Variants in EPHA5 observed in about 807,000 individuals in gnomAD.
EPHA5 encodes ephrin type-A receptor 5.
EPHA5 carries 60 observed loss-of-function variants against 105.0 expected under a neutral mutation model. The observed-to-expected ratio is 0.57, with a 90% confidence interval of 0.46 to 0.71. The LOEUF (loss-of-function observed/expected upper bound fraction) is 0.71. EPHA5 is among the 30% of genes least tolerant of loss of function. EPHA5 has a pLI of 0.00. For synonymous variants in EPHA5, 513 were observed against 449.1 expected (o/e 1.14, Z -1.80); for missense variants, 1,218 against 1,274.7 (o/e 0.96, Z 0.68).
chr4:65,524,745 T>A (rs1735071499), intron 3 of EPHA5, among the ~76,000 whole-genome samples: 1 of 151,802 alleles, frequency 6.6e-6, no homozygotes, highest in Non-Finnish European at 1.5e-5. Context: ...ATCCTGGACA[T>A]TTCCCATATG....
chr4:65,395,722 T>C (rs1721162591), intron 8 of EPHA5, among the ~76,000 whole-genome samples: 1 of 152,218 alleles, frequency 6.6e-6, no homozygotes, highest in African/African-American at 2.4e-5. Flanking sequence ...AACATGATCA[T>C]GACAATCAAA....
intron 7 of EPHA5, among the ~76,000 whole-genome samples, chr4:65,406,991 A>T (rs1413057624): frequency 1.3e-5 from 2 of 152,026 alleles, no homozygotes; most frequent in Admixed American, 1.3e-4. Context: ...CTCCCCATAC[A>T]TCAATTATTT....
chr4:65,658,414 C>T (rs1749256308), intron 1 of EPHA5, among the ~76,000 whole-genome samples: 3 of 151,998 alleles, frequency 2.0e-5, no homozygotes, highest in Admixed American at 6.6e-5. Flanking sequence ...TAAATAAGGG[C>T]TGCTTGAGCT....
chr4:65,355,428 TTTATTTTAAC>T (rs1723206225), intron 11 of EPHA5, among the ~76,000 whole-genome samples: 1 of 151,672 alleles, frequency 6.6e-6, no homozygotes, highest in South Asian at 2.1e-4. Flanking sequence ...CAACTTAAAC[TTTATTTTAAC>T]TATATTGTCA....
At chr4:65,542,897 G>A (rs1181240649) in intron 3 of EPHA5, among the ~76,000 whole-genome samples, 1 of 152,026 alleles carries the variant, frequency 6.6e-6, no homozygotes, top group Non-Finnish European at 1.5e-5. Flanking sequence ...TTTCAGCCCT[G>A]GGATGCAAGG....
intron 3 of EPHA5, among the ~76,000 whole-genome samples, chr4:65,511,645 G>A (rs929633547): frequency 6.6e-6 from 1 of 152,160 alleles, no homozygotes; most frequent in Non-Finnish European, 1.5e-5. Context: ...ATCATAGAAA[G>A]AGGTAACAAT....
At chr4:65,533,897 C>T (rs1424609371) in intron 3 of EPHA5, among the ~76,000 whole-genome samples, 1 of 151,486 alleles carries the variant, frequency 6.6e-6, no homozygotes, top group Non-Finnish European at 1.5e-5. Context: ...TCCCTCATTG[C>T]ACTCCAGCCT....
intron 5 of EPHA5, among the ~76,000 whole-genome samples, chr4:65,463,370 T>C (rs937003386): frequency 2.0e-5 from 3 of 152,192 alleles, no homozygotes; most frequent in East Asian, 1.9e-4. Flanking sequence ...AAGTAAATCA[T>C]TTTGTTCAAA....
chr4:65,353,751 G>GCATTTTCCTACCC (rs1197290915), intron 11 of EPHA5, among the ~76,000 whole-genome samples: 14 of 151,738 alleles, frequency 9.2e-5, no homozygotes, highest in South Asian at 8.3e-4. Flanking sequence ...AATGTATATT[G>GCATTTTCCTACCC]CATTTTCCTA....
At chr4:65,592,699 C>T (rs183078257) in intron 3 of EPHA5, among the ~76,000 whole-genome samples, 1 of 152,264 alleles carries the variant, frequency 6.6e-6, no homozygotes, top group East Asian at 1.9e-4. Flanking sequence ...GCAAAACACA[C>T]ATGAATTTCA....
At chr4:65,638,787 T>C (rs145433802) in intron 2 of EPHA5, among the ~76,000 whole-genome samples, 43 of 152,206 alleles carry the variant, frequency 2.8e-4, no homozygotes, top group Non-Finnish European at 5.1e-4. Flanking sequence ...AATGGAGCAA[T>C]AGGGTTAAGT....
At chr4:65,407,776 G>C (rs1490684493) in intron 7 of EPHA5, among the ~76,000 whole-genome samples, 1 of 150,806 alleles carries the variant, frequency 6.6e-6, no homozygotes, top group Non-Finnish European at 1.5e-5. Flanking sequence ...TTTTTGTGGA[G>C]ACAGGGTCTC....
At chr4:65,512,743 T>C (rs1022187208) in intron 3 of EPHA5, among the ~76,000 whole-genome samples, 1 of 152,158 alleles carries the variant, frequency 6.6e-6, no homozygotes, top group African/African-American at 2.4e-5. Flanking sequence ...TCAGGTGTTA[T>C]AGAAGTGCCA....
chr4:65,407,154 G>C (rs111291030), intron 7 of EPHA5, among the ~76,000 whole-genome samples: 113 of 152,076 alleles, frequency 7.4e-4, no homozygotes, highest in African/African-American at 1.9e-3. Context: ...AAAAACTTTA[G>C]AGAGTCCTAC....
At chr4:65,576,888 G>A (rs771705795) in intron 3 of EPHA5, among the ~76,000 whole-genome samples, 2 of 152,120 alleles carry the variant, frequency 1.3e-5, no homozygotes, top group African/African-American at 2.4e-5. Context: ...CTTCATACCT[G>A]ATGCAAATGC....
At chr4:65,443,369 C>A (rs1461437349) in intron 5 of EPHA5, among the ~76,000 whole-genome samples, 1 of 151,128 alleles carries the variant, frequency 6.6e-6, no homozygotes. Flanking sequence ...AGTAAACATA[C>A]TAGATATTTC....
Position 65,576,046 on chromosome 4 carries a change from GAAAGAAAGAAAGAAAAGAAAAGA to G in EPHA5, c.910+25572_910+25594del, listed in dbSNP as rs1560720957. Among the ~76,000 whole-genome samples the G allele has an allele frequency of 1.9e-4, 11 of 56,988 alleles. No homozygotes were observed. The East Asian group carries it at 2.3e-3, about 12-fold the overall frequency. The allele number at this position is 56,988 out of a possible 152,430, so 37.4% of individuals were successfully genotyped here. A position where few individuals can be genotyped will look rare whatever the true frequency, so the allele number is the denominator to read the frequency against. ...AGAAAGAAAGAAAGAAAGAAAGAAA[GAAAGAAAGAAAGAAAAGAAAAGA>G]AAAGAAAAGAAAAGAAAAGAAAAGA... On this transcript the variant is annotated intron_variant, in intron 3 of 16. Coordinates refer to ENST00000613740, the MANE Select transcript of EPHA5 (RefSeq NM_001281766.3).
chr4:65,366,743 A>T (rs977909175), intron 9 of EPHA5, among the ~76,000 whole-genome samples: 3 of 151,998 alleles, frequency 2.0e-5, no homozygotes, highest in African/African-American at 7.2e-5. Flanking sequence ...GCGGAGTGAA[A>T]AAAACAAATA....
chr4:65,570,279 AG>A (rs900344401), intron 3 of EPHA5, among the ~76,000 whole-genome samples: 27 of 151,938 alleles, frequency 1.8e-4, no homozygotes, highest in African/African-American at 6.5e-4. Flanking sequence ...CTTTAAAATC[AG>A]ATATTATCAA....
Sources: allele counts gnomAD v4.1 joint callset (sites outside exome capture counted in the v4.1 genomes callset), GRCh38; gene constraint gnomAD v4.1.1; transcripts MANE v1.5; gene names NCBI Gene and HGNC (gene_info 2026-07-23, HGNC 2026-07-21).